The following SPAG17 variants were observed in gnomAD, a reference collection of about 807,000 sequenced individuals.
The protein encoded by SPAG17 is sperm associated antigen 17.
A neutral mutation model predicts 273.6 loss-of-function variants in SPAG17; 169 were observed. The ratio of observed to expected loss-of-function variants is 0.62; its 90% CI spans 0.55 to 0.70. SPAG17 has a LOEUF of 0.70. Among genes scored for constraint, SPAG17 ranks in the 30% least tolerant of loss-of-function variants. The pLI is 0.00. For synonymous variants in SPAG17, 825 were observed against 873.2 expected, an observed-to-expected ratio of 0.94 and a Z score of 0.97; for missense variants, 2,557 against 2,627.8, an observed-to-expected ratio of 0.97 and a Z score of 0.59.
At chr1:118,083,816 G>A (rs1001373962) in intron 13 of SPAG17, among the ~76,000 whole-genome samples, 2 of 152,040 alleles carry the variant, frequency 1.3e-5, no homozygotes, top group African/African-American at 4.8e-5. Flanking sequence ...AGACAGCAGG[G>A]ATGACTCCAA....
At chr1:117,964,226 A>C in intron 47 of SPAG17, 1 of 207,966 alleles carries the variant, frequency 4.8e-6, no homozygotes, top group Non-Finnish European at 9.5e-6. Context: ...TATCTACATC[A>C]GATTTCATGC....
At chr1:118,051,544 T>TACACACAC (rs147508671) in intron 20 of SPAG17, among the ~76,000 whole-genome samples, 85,266 of 148,316 alleles carry the variant, frequency 0.57, 24,646 homozygotes, top group African/African-American at 0.67. Context: ...AAATTTGAGA[T>TACACACAC]ACACACACAC....
Position 118,066,732 on chromosome 1 carries a change from C to A in SPAG17, c.2540+13G>T. 1.2e-6 allele frequency: 2 copies of A among 1,603,988 alleles called. No individual in the cohort carries two copies. The highest frequency in any genetic ancestry group is 1.7e-6 in the Non-Finnish European group (2 of 1,176,180). Reference sequence around the variant, plus strand: ...CCAACTAACTAATTAACTAAACTTTCCAAATTTGTTACCTGAATCCAACAT... The same window carrying A: ...CCAACTAACTAATTAACTAAACTTTACAAATTTGTTACCTGAATCCAACAT... On this transcript the variant is annotated intron_variant, in intron 18 of 48. Coordinates refer to ENST00000336338, the MANE Select transcript of SPAG17 (RefSeq NM_206996.4).
At chr1:118,180,516 G>A (rs946486825) in intron 1 of SPAG17, among the ~76,000 whole-genome samples, 10 of 152,110 alleles carry the variant, frequency 6.6e-5, no homozygotes, top group Admixed American at 3.3e-4. Context: ...AAGTCCTAGT[G>A]TTTAATAGAT....
intron 4 of SPAG17, among the ~76,000 whole-genome samples, chr1:118,109,424 G>A (rs1373471967): frequency 1.3e-5 from 2 of 149,418 alleles, no homozygotes; most frequent in African/African-American, 2.5e-5. Context: ...GTTGTGGCAC[G>A]CGTGCCTGTA....
chr1:118,105,284 G>A (rs1656327483), intron 4 of SPAG17, among the ~76,000 whole-genome samples: 2 of 152,160 alleles, frequency 1.3e-5, no homozygotes, highest in Non-Finnish European at 2.9e-5. Context: ...CAGAGAGTGG[G>A]GGAGCAAGCT....
At chr1:118,110,240 G>C (rs1416114998) in intron 4 of SPAG17, among the ~76,000 whole-genome samples, 2 of 152,088 alleles carry the variant, frequency 1.3e-5, no homozygotes, top group South Asian at 2.1e-4. Context: ...CACAAAACCA[G>C]TAATAATGAT....
intron 15 of SPAG17, among the ~76,000 whole-genome samples, 182 bp downstream of exon 15, chr1:118,080,919 A>T (rs2102143114): frequency 6.6e-6 from 1 of 152,332 alleles, no homozygotes; most frequent in South Asian, 2.1e-4. Flanking sequence ...GAATTAAGAT[A>T]TTTTTAAAAA....
At chr1:118,018,193 C>T (rs61810463) in intron 28 of SPAG17, among the ~76,000 whole-genome samples, 55,298 of 151,920 alleles carry the variant, frequency 0.36, 11,187 homozygotes, top group Non-Finnish European at 0.46. Flanking sequence ...AATGCCAGAA[C>T]CTGCACAATC....
chr1:117,964,234 TGC>T, intron 47 of SPAG17: 2 of 197,620 alleles, frequency 1.0e-5, no homozygotes, highest in Non-Finnish European at 2.1e-5. Context: ...TCAGATTTCA[TGC>T]TTTTTTTTTT....
At chr1:118,150,195 T>C (rs967378436) in intron 3 of SPAG17, among the ~76,000 whole-genome samples, 2 of 152,210 alleles carry the variant, frequency 1.3e-5, no homozygotes, top group Admixed American at 1.3e-4. Context: ...ACTGATCATA[T>C]GACTCTCCTT....
chr1:117,997,566 T>TAAA lies in SPAG17; in HGVS notation c.4777-826_4777-824dup, dbSNP rs11428560. ...CAAAATTTCACTGTTGAATGAGAAG[T>TAAA]AAAAAAAAAAAAAAAAAGAAAAGAA... On this transcript the variant is annotated intron_variant, in intron 32 of 48. Transcript: ENST00000336338. Among the ~76,000 whole-genome samples, 7 of 123,388 alleles carry TAAA rather than the reference T, an allele frequency of 5.7e-5. No individual in the cohort carries two copies. The East Asian group carries it at 9.2e-4, about 16-fold the overall frequency. 80.9% of individuals were successfully genotyped at this position (123,388 alleles called of 152,430 possible). A position where few individuals can be genotyped will look rare whatever the true frequency, so the allele number is the denominator to read the frequency against.
At chr1:118,153,019 T>A (rs1270164689) in intron 1 of SPAG17, among the ~76,000 whole-genome samples, 1 of 152,226 alleles carries the variant, frequency 6.6e-6, no homozygotes, top group Non-Finnish European at 1.5e-5. Context: ...CTTATCCCGC[T>A]GTCCACTGCA....
Position 118,086,084 on chromosome 1 carries a change from G to C in SPAG17, c.1612-12C>G. Reference sequence around the variant, plus strand: ...AAATTCTTTTGGTCCTGATGAAAAAGAGCAACATGACAGAAGACATTAGAG... The same window carrying C: ...AAATTCTTTTGGTCCTGATGAAAAACAGCAACATGACAGAAGACATTAGAG... On this transcript the variant is annotated splice_polypyrimidine_tract_variant and intron_variant, in intron 12 of 48. Coordinates refer to ENST00000336338, the MANE Select transcript of SPAG17 (RefSeq NM_206996.4). The C allele has an allele frequency of 6.2e-7, 1 of 1,613,022 alleles. No homozygotes were observed. Among genetic ancestry groups the C allele is most frequent in the Middle Eastern group, 1.7e-4 (1 of 6,052 alleles).
rs189459078 is a variant in SPAG17, at chr1:118,126,326, C to T, written c.316-10885G>A. On this transcript the variant is annotated intron_variant, in intron 3 of 48. Transcript: ENST00000336338. The stretch of plus-strand genomic sequence containing the variant: ...GTTCATGCCATTCTCCTGCTTTAGT[C>T]TCCCGAGTAGCTGGAACTACAGGCG... 4.5e-3 allele frequency among the ~76,000 whole-genome samples: 674 copies of T among 148,260 alleles called. 6 individuals carry two copies. Among genetic ancestry groups the T allele is most frequent in the African/African-American group, 0.016 (646 of 40,410 alleles).
intron 28 of SPAG17, among the ~76,000 whole-genome samples, chr1:118,021,383 TC>T (rs1660484302): frequency 6.6e-6 from 1 of 152,106 alleles, no homozygotes; most frequent in Admixed American, 6.6e-5. Flanking sequence ...GGTCAGTGGT[TC>T]CCAGGTGTTT....
chr1:117,955,186 C>A, intron 48 of SPAG17: 2 of 704,970 alleles, frequency 2.8e-6, no homozygotes, highest in South Asian at 4.5e-5. Context: ...TCATGCAGAT[C>A]TTGCCATTTT....
chr1:118,065,061 T>G (rs1453001843), intron 18 of SPAG17, among the ~76,000 whole-genome samples: 2 of 152,152 alleles, frequency 1.3e-5, no homozygotes, highest in Non-Finnish European at 2.9e-5. Flanking sequence ...TTAGTAAGAC[T>G]GGCAAACCTT....
At chr1:117,993,095 GA>G (rs1163596845) in intron 35 of SPAG17, among the ~76,000 whole-genome samples, 2 of 152,082 alleles carry the variant, frequency 1.3e-5, no homozygotes, top group African/African-American at 4.8e-5. Context: ...GGCCATCTTT[GA>G]GCTTAATCTA....
Sources: allele counts gnomAD v4.1 joint callset (sites outside exome capture counted in the v4.1 genomes callset), GRCh38; gene constraint gnomAD v4.1.1; transcripts MANE v1.5; gene names NCBI Gene and HGNC (gene_info 2026-07-23, HGNC 2026-07-21).